The following FDFT1 variants were observed in gnomAD, a reference collection of about 807,000 sequenced individuals.
FDFT1 encodes the protein farnesyl-diphosphate farnesyltransferase 1, also known as squalene synthase.
A neutral mutation model predicts 46.8 loss-of-function variants in FDFT1; 68 were observed. That is an observed-to-expected ratio of 1.45 (90% CI 1.19 to 1.78). The LOEUF (loss-of-function observed/expected upper bound fraction) is 1.78, where lower values mean the gene tolerates loss of function less well. Ranked by LOEUF, FDFT1 falls within the 40% of genes most tolerant of loss-of-function variation. The pLI, the probability that FDFT1 is intolerant of heterozygous loss-of-function variation, is 0.00. For synonymous variants in FDFT1, 351 were observed against 185.1 expected (o/e 1.90, Z -7.28); for missense variants, 928 against 524.4 (o/e 1.77, Z -7.52).
intron 1 of FDFT1, chr8:11,803,908 G>C (rs1472330597): frequency 6.6e-6 from 1 of 152,262 alleles, no homozygotes; most frequent in Non-Finnish European, 1.5e-5. Context: ...TCTATTTGTA[G>C]AACATTCAGT....
intron 2 of FDFT1, chr8:11,809,444 T>C: frequency 7.9e-7 from 1 of 1,273,142 alleles, no homozygotes. Flanking sequence ...GTGGTGACAT[T>C]CAACTAGTAG....
intron 1 of FDFT1, among the ~76,000 whole-genome samples, chr8:11,805,233 T>A (rs1345600762): frequency 1.3e-5 from 2 of 152,160 alleles, no homozygotes; most frequent in African/African-American, 4.8e-5. Context: ...CTCTGCAAAC[T>A]AGGGAAAAAA....
rs1218071249 is a variant in FDFT1 at position 11,808,777 on chromosome 8, G to A, written c.100-17G>A. Reference sequence around the variant, plus strand: ...TCCTCGACGTCTCCCACCGCCGTGTGTGTTGTCTGCCCGCAGGACTCGCTC... The same window carrying A: ...TCCTCGACGTCTCCCACCGCCGTGTATGTTGTCTGCCCGCAGGACTCGCTC... On this transcript the variant is annotated splice_polypyrimidine_tract_variant and intron_variant, in intron 1 of 7. Transcript: ENST00000220584. 1 of 1,609,978 alleles carries A rather than the reference G, an allele frequency of 6.2e-7. No homozygotes were observed. Among genetic ancestry groups the A allele is most frequent in the Admixed American group, 1.7e-5 (1 of 59,712 alleles).
chr8:11,806,778 C>T (rs541685124), intron 1 of FDFT1, among the ~76,000 whole-genome samples: 2 of 152,084 alleles, frequency 1.3e-5, no homozygotes, highest in Admixed American at 6.5e-5. Flanking sequence ...TCCTGCCTCT[C>T]GATATTTTGA....
In FDFT1 at chr8:11,809,144, C is replaced by G. The variant is rs566602715; in HGVS notation, c.197+253C>G. The G allele has an allele frequency of 6.1e-6, 8 of 1,308,092 alleles. No individual in the cohort carries two copies. The African/African-American group carries it at 1.2e-4, about 20-fold the overall frequency. The allele number at this position is 1,308,092 out of a possible 1,614,324, so 81.0% of individuals were successfully genotyped here. A position where few individuals can be genotyped will look rare whatever the true frequency, so the allele number is the denominator to read the frequency against. On this transcript the variant is annotated intron_variant, in intron 2 of 7. Transcript: ENST00000220584. ...GTGATGTTTATTAACTTTTTTTAGT[C>G]TTGGCAGCTGAACCTGCCTGTGAGC...
chr8:11,803,026 G>A (rs1019645867), intron 1 of FDFT1, 95 bp downstream of exon 1: 2 of 1,503,906 alleles, frequency 1.3e-6, no homozygotes, highest in African/African-American at 2.8e-5. Flanking sequence ...GGGGCAAGGG[G>A]CGCGGCGAGC....
Position 11,831,625 on chromosome 8 carries a change from C to A in FDFT1, c.987C>A (p.Thr329=). ...CAGTGACCCTGATGATGGATGCCAC[C>A]AATATGCCAGCTGTCAAAGCCATCA... ...GQAVTLMMDA[T]NMPAVKAIIY... Residue 329 remains threonine, a synonymous_variant, in exon 7 of 8, where the codon ACC becomes ACA. Coordinates refer to ENST00000220584, the MANE Select transcript of FDFT1 (RefSeq NM_004462.5). 6.2e-7 allele frequency: 1 copy of A among 1,613,892 alleles called. No individual in the cohort carries two copies. The highest frequency in any genetic ancestry group is 8.5e-7 in the Non-Finnish European group (1 of 1,179,764).
intron 7 of FDFT1, among the ~76,000 whole-genome samples, chr8:11,834,626 A>G (rs1356870445): frequency 6.6e-6 from 1 of 152,146 alleles, no homozygotes; most frequent in Non-Finnish European, 1.5e-5. Context: ...TTTTTCCCAA[A>G]TGATGTTTTT....
At chr8:11,836,759 G>T (rs575936523) in intron 7 of FDFT1, among the ~76,000 whole-genome samples, 1 of 152,362 alleles carries the variant, frequency 6.6e-6, no homozygotes, top group African/African-American at 2.4e-5. Flanking sequence ...GTCTTGGCTG[G>T]GTGGAGTGGC....
intron 1 of FDFT1, 74 bp from the exon 2 acceptor site, chr8:11,808,715 CTCCCA>C (rs1807250682): frequency 7.6e-4 from 5 of 6,582 alleles, no homozygotes; most frequent in African/African-American, 5.1e-3. Context: ...CCCAGTCCCA[CTCCCA>C]CTCCCACTCC....
chr8:11,810,080 C>T, intron 3 of FDFT1: 1 of 491,336 alleles, frequency 2.0e-6, no homozygotes, highest in Admixed American at 3.8e-5. Flanking sequence ...CTCTCTGTGC[C>T]TCAGTTTCTT....
chr8:11,818,445 A>G (rs564915543), intron 3 of FDFT1, among the ~76,000 whole-genome samples: 1 of 152,198 alleles, frequency 6.6e-6, no homozygotes, highest in South Asian at 2.1e-4. Context: ...TGATCTATCT[A>G]ATATTGACAG....
chr8:11,830,840 C>T (rs1304511136), intron 6 of FDFT1, among the ~76,000 whole-genome samples: 1 of 152,200 alleles, frequency 6.6e-6, no homozygotes, highest in Non-Finnish European at 1.5e-5. Context: ...TCCGGTAGAC[C>T]TAGCCTCTCA....
chr8:11,821,166 C>T (rs762337250), intron 3 of FDFT1, among the ~76,000 whole-genome samples: 2 of 152,192 alleles, frequency 1.3e-5, no homozygotes, highest in Non-Finnish European at 2.9e-5. Context: ...TTAAACCCAG[C>T]TTTATGTTGA....
At chr8:11,802,414 G>T (rs909830653), upstream of FDFT1, 1 of 457,728 alleles carries the variant, frequency 2.2e-6, no homozygotes, top group East Asian at 6.9e-5. Flanking sequence ...AAGCCCCACC[G>T]CCTCACCTCC....
chr8:11,818,837 C>T (rs1412794068), intron 3 of FDFT1, among the ~76,000 whole-genome samples: 1 of 152,162 alleles, frequency 6.6e-6, no homozygotes, highest in African/African-American at 2.4e-5. Flanking sequence ...TTAACTGGGG[C>T]ATTTAGCCCA....
intron 3 of FDFT1, among the ~76,000 whole-genome samples, chr8:11,812,443 G>C (rs915796699): frequency 1.3e-5 from 2 of 152,166 alleles, no homozygotes; most frequent in Non-Finnish European, 2.9e-5. Flanking sequence ...GTGCCTCCCA[G>C]TGCTGGAGAG....
chr8:11,802,634 C>A, upstream of FDFT1: 1 of 594,292 alleles, frequency 1.7e-6, no homozygotes, highest in Non-Finnish European at 3.0e-6. Flanking sequence ...CAGCCCACCC[C>A]ACGAGGCCGC....
chr8:11,804,600 C>T (rs370881102), intron 1 of FDFT1, among the ~76,000 whole-genome samples: 18 of 97,346 alleles, frequency 1.8e-4, no homozygotes, highest in South Asian at 3.7e-4. Flanking sequence ...CTTAGTTTCT[C>T]TTTTTTTTTT....
Sources: gnomAD v4.1 joint callset for allele counts (sites outside exome capture counted in the v4.1 genomes callset) on GRCh38, gnomAD v4.1.1 for gene constraint, MANE v1.5 for transcripts, NCBI Gene and HGNC (gene_info 2026-07-23, HGNC 2026-07-21) for gene names.